MAF: variants seen among roughly 807,000 people sequenced by gnomAD.
MAF encodes transcription factor Maf.
Under a neutral mutation model 22.0 loss-of-function variants are expected in MAF, and 10 were observed. The observed-to-expected ratio is 0.45, with a 90% confidence interval of 0.28 to 0.77. The LOEUF is 0.77. Among genes scored for constraint, MAF ranks in the 30% least tolerant of loss-of-function variants. The pLI is 0.12. For missense variants in MAF, 544 were observed against 548.4 expected, an observed-to-expected ratio of 0.99 and a Z score of 0.08; for synonymous variants, 337 against 255.8, an observed-to-expected ratio of 1.32 and a Z score of -3.03.
the MAF span, among the ~76,000 whole-genome samples, chr16:79,554,640 C>T: frequency 1.3e-5 from 2 of 152,116 alleles, no homozygotes; most frequent in Admixed American, 6.5e-5. Flanking sequence ...ACTCAGTCTC[C>T]CAGGATGCTC....
the MAF span, among the ~76,000 whole-genome samples, chr16:79,453,928 T>C: frequency 3.3e-5 from 5 of 152,190 alleles, no homozygotes; most frequent in African/African-American, 1.2e-4. Flanking sequence ...AATACCTACC[T>C]TGCTATTAAA....
At chr16:79,226,950 G>T in the MAF span, among the ~76,000 whole-genome samples, 8 of 152,090 alleles carry the variant, frequency 5.3e-5, no homozygotes, top group Non-Finnish European at 1.2e-4. Context: ...GGAATGGCTT[G>T]TAAGTTTCCC....
At chr16:79,434,109 G>A in the MAF span, among the ~76,000 whole-genome samples, 1 of 152,192 alleles carries the variant, frequency 6.6e-6, no homozygotes, top group Non-Finnish European at 1.5e-5. Flanking sequence ...CACTCCCTGA[G>A]TTGTGCAGTG....
the MAF span, among the ~76,000 whole-genome samples, chr16:79,523,059 T>G: frequency 7.9e-4 from 120 of 152,286 alleles, no homozygotes; most frequent in African/African-American, 2.6e-3. Flanking sequence ...TCATAAAAAT[T>G]TTACCCTCTA....
the MAF span, among the ~76,000 whole-genome samples, chr16:79,552,400 G>T: frequency 4.8e-3 from 737 of 152,166 alleles, 5 homozygotes; most frequent in Non-Finnish European, 7.3e-3. Flanking sequence ...GTAGAGATGA[G>T]ATCTTGCTAT....
chr16:79,229,680 G>A, the MAF span, among the ~76,000 whole-genome samples: 1 of 150,554 alleles, frequency 6.6e-6, no homozygotes, highest in Admixed American at 6.6e-5. Context: ...AGGTGCTTGA[G>A]CCACGGGGCT....
intron 1 of MAF, chr16:79,597,746 CA>C: frequency 9.9e-7 from 1 of 1,012,512 alleles, no homozygotes; most frequent in Non-Finnish European, 1.2e-6. Flanking sequence ...ATTTCCAAGC[CA>C]AAAGGAAAAA....
At chr16:79,348,962 T>C in the MAF span, among the ~76,000 whole-genome samples, 1 of 152,196 alleles carries the variant, frequency 6.6e-6, no homozygotes, top group Admixed American at 6.5e-5. Flanking sequence ...GACCCTCTTG[T>C]GTGCCCACCA....
the MAF span, among the ~76,000 whole-genome samples, chr16:79,220,749 C>G: frequency 6.6e-6 from 1 of 152,184 alleles, no homozygotes. Flanking sequence ...TGGGTAGTTA[C>G]TGGCAAGATA....
At chr16:79,596,917 T>C (rs1425548779) in intron 1 of MAF, 1 of 1,050,232 alleles carries the variant, frequency 9.5e-7, no homozygotes, top group African/African-American at 1.7e-5. Context: ...TTGCAGGTTA[T>C]ATCTTAGTGC....
the MAF span, among the ~76,000 whole-genome samples, chr16:79,330,239 A>G: frequency 2.6e-5 from 4 of 152,202 alleles, no homozygotes; most frequent in Non-Finnish European, 5.9e-5. Flanking sequence ...TCCAAGCATA[A>G]TTTGACGCTA....
chr16:79,436,046 A>G, the MAF span, among the ~76,000 whole-genome samples: 6 of 152,206 alleles, frequency 3.9e-5, no homozygotes, highest in African/African-American at 4.8e-5. Flanking sequence ...CAATTTGTAA[A>G]AAGAGCAAAG....
the MAF span, among the ~76,000 whole-genome samples, chr16:79,328,256 C>G: frequency 6.6e-6 from 1 of 151,848 alleles, no homozygotes; most frequent in Non-Finnish European, 1.5e-5. Flanking sequence ...TATATATAAG[C>G]TCAAACAAGT....
chr16:79,585,450 G>A (rs1912778164), downstream of MAF, among the ~76,000 whole-genome samples: 1 of 151,954 alleles, frequency 6.6e-6, no homozygotes, highest in African/African-American at 2.4e-5. Context: ...TGAGGCCCCG[G>A]TAAAACCGGC....
chr16:79,413,058 C>T, the MAF span, among the ~76,000 whole-genome samples: 24 of 152,022 alleles, frequency 1.6e-4, no homozygotes, highest in Non-Finnish European at 1.6e-4. Flanking sequence ...ATATTATTGC[C>T]AGCCCCAAGA....
the MAF span, among the ~76,000 whole-genome samples, chr16:79,285,165 C>T: frequency 6.6e-6 from 1 of 152,174 alleles, no homozygotes; most frequent in African/African-American, 2.4e-5. Context: ...GCTTCATAGG[C>T]ATTTGTCTGC....
At chr16:79,428,107 A>AAG in the MAF span, among the ~76,000 whole-genome samples, 1 of 151,452 alleles carries the variant, frequency 6.6e-6, no homozygotes, top group Non-Finnish European at 1.5e-5. Flanking sequence ...AAAAAAAAAA[A>AAG]AAAAAAAAAG....
At chr16:79,311,665 G>C in the MAF span, among the ~76,000 whole-genome samples, 1 of 152,114 alleles carries the variant, frequency 6.6e-6, no homozygotes, top group African/African-American at 2.4e-5. Flanking sequence ...TCTCAGTCCA[G>C]AAATTTCTGC....
the MAF span, among the ~76,000 whole-genome samples, chr16:79,431,405 C>T: frequency 6.6e-6 from 1 of 152,200 alleles, no homozygotes; most frequent in African/African-American, 2.4e-5. Flanking sequence ...TTCTCAGCAC[C>T]TCAGTTTTGT....
Sources: allele counts gnomAD v4.1 joint callset (sites outside exome capture counted in the v4.1 genomes callset), GRCh38; gene constraint gnomAD v4.1.1; transcripts MANE v1.5; gene names NCBI Gene and HGNC (gene_info 2026-07-23, HGNC 2026-07-21).